The following OLFM3 variants were observed in gnomAD, a reference collection of about 807,000 sequenced individuals.
The protein encoded by OLFM3 is noelin-3.
In OLFM3, 20 loss-of-function variants were observed where a neutral mutation model predicts 48.6. The ratio of observed to expected loss-of-function variants is 0.41; its 90% CI spans 0.29 to 0.60. The LOEUF (loss-of-function observed/expected upper bound fraction) is 0.60, where lower values mean the gene tolerates loss of function less well. OLFM3 is among the 20% of genes least tolerant of loss of function. The pLI is 0.28. For synonymous variants in OLFM3, 222 were observed against 198.1 expected, an observed-to-expected ratio of 1.12 and a Z score of -1.01; for missense variants, 437 against 544.3, an observed-to-expected ratio of 0.80 and a Z score of 1.96.
chr1:101,893,268 TA>T, intron 1 of OLFM3: 1 of 351,088 alleles, frequency 2.8e-6, no homozygotes, highest in Non-Finnish European at 5.6e-6. Flanking sequence ...AAAGGAACAG[TA>T]CAGTGCTGTC....
intron 1 of OLFM3, among the ~76,000 whole-genome samples, chr1:101,875,340 G>C (rs1657255553): frequency 6.6e-6 from 1 of 151,900 alleles, no homozygotes; most frequent in African/African-American, 2.4e-5. Flanking sequence ...GTGAACTGTG[G>C]AGTTTAGTTA....
intron 1 of OLFM3, among the ~76,000 whole-genome samples, chr1:101,931,120 TG>T (rs1659431239): frequency 6.6e-6 from 1 of 152,248 alleles, no homozygotes; most frequent in Non-Finnish European, 1.5e-5. Flanking sequence ...AAAGAGTTTT[TG>T]TTTCCAAGCC....
intron 1 of OLFM3, among the ~76,000 whole-genome samples, chr1:101,918,030 C>A (rs1362822423): frequency 1.3e-5 from 2 of 152,098 alleles, no homozygotes; most frequent in Non-Finnish European, 2.9e-5. Context: ...TTGGGAGTTT[C>A]TTTCCACAGA....
intron 1 of OLFM3, among the ~76,000 whole-genome samples, chr1:101,959,047 C>A (rs1277733130): frequency 2.6e-5 from 4 of 151,718 alleles, no homozygotes; most frequent in African/African-American, 9.7e-5. Context: ...CTCCCCATTC[C>A]CCGCTTCCCA....
chr1:101,977,214 A>C (rs1660980679), intron 1 of OLFM3, among the ~76,000 whole-genome samples: 1 of 152,194 alleles, frequency 6.6e-6, no homozygotes, highest in Admixed American at 6.6e-5. Context: ...ACACTTTCTC[A>C]TTCAAAACAT....
intron 1 of OLFM3, among the ~76,000 whole-genome samples, chr1:101,988,096 T>C (rs764686991): frequency 4.1e-4 from 62 of 152,006 alleles, no homozygotes; most frequent in Middle Eastern, 3.2e-3. Context: ...TAAGTGTATA[T>C]ACTAAGATAA....
At chr1:101,911,589 GCAA>G (rs1412077480) in intron 1 of OLFM3, among the ~76,000 whole-genome samples, 1 of 152,024 alleles carries the variant, frequency 6.6e-6, no homozygotes, top group Non-Finnish European at 1.5e-5. Context: ...GTTTAACCTC[GCAA>G]CAGTCCCCAA....
At position 101,803,379 on chromosome 1, in the gene OLFM3, C is replaced by T. The variant is rs749955341; in HGVS notation, c.*859G>A. 10 of 152,040 alleles carry T rather than the reference C, an allele frequency of 6.6e-5. No homozygotes were observed. The highest frequency in any genetic ancestry group is 1.3e-4 in the Non-Finnish European group (9 of 67,770). The allele number at this position is 152,040 out of a possible 1,614,324, so 9.4% of individuals were successfully genotyped here. The stretch of plus-strand genomic sequence containing the variant: ...TGCAAGAAACTATATGGGTTGCATT[C>T]AGTGGAGTGAACAGAGTAACTCAGT... On this transcript the variant is annotated 3_prime_UTR_variant, in exon 6 of 6. Coordinates refer to ENST00000370103, the MANE Select transcript of OLFM3 (RefSeq NM_058170.4).
At chr1:101,851,805 A>G (rs1236485283) in intron 1 of OLFM3, among the ~76,000 whole-genome samples, 1 of 152,144 alleles carries the variant, frequency 6.6e-6, no homozygotes, top group Non-Finnish European at 1.5e-5. Context: ...GTGTTCCTAG[A>G]TAAGGCAGAG....
chr1:101,924,482 T>C (rs144230897), intron 1 of OLFM3, among the ~76,000 whole-genome samples: 1,696 of 152,318 alleles, frequency 0.011, 47 homozygotes, highest in Admixed American at 0.052. Context: ...CTATCACTAC[T>C]AAAGTTTGAA....
intron 1 of OLFM3, among the ~76,000 whole-genome samples, chr1:101,901,152 AC>A (rs35607661): frequency 0.089 from 13,504 of 152,030 alleles, 789 homozygotes; most frequent in East Asian, 0.22. Context: ...TAAGACCAGC[AC>A]CCCTGCTGGT....
At chr1:101,940,475 T>C (rs1659755809) in intron 1 of OLFM3, among the ~76,000 whole-genome samples, 1 of 151,736 alleles carries the variant, frequency 6.6e-6, no homozygotes, top group Non-Finnish European at 1.5e-5. Flanking sequence ...TCTATCTTTC[T>C]AATCTATTAT....
intron 1 of OLFM3, among the ~76,000 whole-genome samples, chr1:101,871,938 G>A (rs948168180): frequency 6.6e-5 from 10 of 152,124 alleles, no homozygotes; most frequent in Admixed American, 5.9e-4. Context: ...CGTTGTCATA[G>A]AAAAATGAAT....
At chr1:101,840,691 G>T (rs978319517) in intron 1 of OLFM3, among the ~76,000 whole-genome samples, 2 of 151,964 alleles carry the variant, frequency 1.3e-5, no homozygotes, top group Non-Finnish European at 2.9e-5. Context: ...GGCCTACCTC[G>T]CACTCCTGGA....
At position 101,837,170 on chromosome 1, in the gene OLFM3, CA is replaced by C. The variant is rs1332483945; in HGVS notation, c.70-146del. The C allele has an allele frequency of 1.6e-5, 12 of 769,340 alleles. No individual in the cohort carries two copies. In the African/African-American group the frequency reaches 1.9e-4, roughly 12 times the overall value. 47.7% of individuals were successfully genotyped at this position (769,340 alleles called of 1,614,324 possible). On this transcript the variant is annotated intron_variant, in intron 1 of 5. Transcript: ENST00000370103. Reference sequence around the variant, plus strand: ...TTAAAGTTAGCAGAGAGATATTAAACAATTTATATAGGCAGTATAGCTTCAT... The same window carrying C: ...TTAAAGTTAGCAGAGAGATATTAAACATTTATATAGGCAGTATAGCTTCAT...
intron 4 of OLFM3, among the ~76,000 whole-genome samples, chr1:101,808,086 G>A (rs1653865403): frequency 6.6e-6 from 1 of 151,372 alleles, no homozygotes; most frequent in South Asian, 2.1e-4. Flanking sequence ...AGTGTAAGTA[G>A]AGTGTAACAA....
rs181681098 is a variant in OLFM3, at chr1:101,813,451, G to A, written c.593-7269C>T. On this transcript the variant is annotated intron_variant, in intron 4 of 5. Coordinates refer to ENST00000370103, the MANE Select transcript of OLFM3 (RefSeq NM_058170.4). ...TTTAGTGTTTATAAAAAATGAATATGTGTGTCTAGTAAAAAAATCAAATAT... is the reference window on the plus strand; with the variant it reads ...TTTAGTGTTTATAAAAAATGAATATATGTGTCTAGTAAAAAAATCAAATAT... 3.1e-4 allele frequency among the ~76,000 whole-genome samples: 47 copies of A among 152,190 alleles called. No homozygotes were observed. In the East Asian group the frequency reaches 6.4e-3, roughly 21 times the overall value.
At chr1:101,870,775 G>C (rs898732246) in intron 1 of OLFM3, among the ~76,000 whole-genome samples, 15 of 151,912 alleles carry the variant, frequency 9.9e-5, no homozygotes, top group African/African-American at 3.6e-4. Context: ...ATAATACCTA[G>C]AGAGCTTTTT....
intron 1 of OLFM3, among the ~76,000 whole-genome samples, chr1:101,913,688 A>G (rs1201762354): frequency 8.1e-6 from 1 of 123,178 alleles, no homozygotes; most frequent in African/African-American, 3.7e-5. Flanking sequence ...CCCTACAGAA[A>G]AAAAAAAAAA....
Sources: gnomAD v4.1 joint callset for allele counts (sites outside exome capture counted in the v4.1 genomes callset) on GRCh38, gnomAD v4.1.1 for gene constraint, MANE v1.5 for transcripts, NCBI Gene and HGNC (gene_info 2026-07-23, HGNC 2026-07-21) for gene names.